The following SLC4A4 variants were observed in gnomAD, a reference collection of about 807,000 sequenced individuals.
SLC4A4 encodes solute carrier family 4 member 4, also known as electrogenic sodium bicarbonate cotransporter 1.
In SLC4A4, 27 loss-of-function variants were observed where a neutral mutation model predicts 111.5. The ratio of observed to expected loss-of-function variants is 0.24; its 90% confidence interval spans 0.18 to 0.33. The LOEUF (loss-of-function observed/expected upper bound fraction) is 0.33. SLC4A4 is among the 10% of genes least tolerant of loss of function. The probability of loss-of-function intolerance (pLI) is 1.00; values close to 1 mark genes in which losing one functional copy is unlikely to be tolerated. For missense variants in SLC4A4, 909 were observed against 1,315.5 expected, an observed-to-expected ratio of 0.69 and a Z score of 4.78; for synonymous variants, 443 against 463.4, an observed-to-expected ratio of 0.96 and a Z score of 0.57.
chr4:71,207,997 A>G (rs959030547), intron 1 of SLC4A4, among the ~76,000 whole-genome samples: 1 of 152,106 alleles, frequency 6.6e-6, no homozygotes, highest in Non-Finnish European at 1.5e-5. Context: ...TTTTATAGAG[A>G]CAGGGTCTTG....
At chr4:71,326,653 G>C (rs1035377370) in intron 3 of SLC4A4, among the ~76,000 whole-genome samples, 5 of 152,058 alleles carry the variant, frequency 3.3e-5, no homozygotes, top group Non-Finnish European at 7.4e-5. Flanking sequence ...CTCTGAAAAA[G>C]AGTAAAAAGC....
At chr4:71,334,044 G>A (rs370824602) in intron 3 of SLC4A4, among the ~76,000 whole-genome samples, 1 of 152,004 alleles carries the variant, frequency 6.6e-6, no homozygotes, top group African/African-American at 2.4e-5. Context: ...GCAAGACAAA[G>A]TCACCTTCAT....
chr4:71,247,657 A>G (rs1720774760), intron 2 of SLC4A4, among the ~76,000 whole-genome samples: 1 of 152,128 alleles, frequency 6.6e-6, no homozygotes, highest in Admixed American at 6.5e-5. Context: ...CCTACTTCCC[A>G]TTCAGTTGTG....
At chr4:71,176,583 T>C in intron 2 of SLC4A4, among the ~76,000 whole-genome samples, 1 of 152,112 alleles carries the variant, frequency 6.6e-6, no homozygotes. Flanking sequence ...GTATCAGTGA[T>C]GGAAGCTCAA....
chr4:71,173,875 A>C (rs1745011792), intron 2 of SLC4A4, among the ~76,000 whole-genome samples: 1 of 152,236 alleles, frequency 6.6e-6, no homozygotes, highest in South Asian at 2.1e-4. Context: ...TAAAACAACA[A>C]GAAAGAAAGT....
chr4:71,269,636 A>G (rs1483970133), intron 3 of SLC4A4, among the ~76,000 whole-genome samples: 3 of 152,262 alleles, frequency 2.0e-5, no homozygotes, highest in Admixed American at 1.3e-4. Context: ...GTGGGAACAC[A>G]TAACATTTGT....
chr4:71,178,877 C>G (rs924446516), intron 2 of SLC4A4, among the ~76,000 whole-genome samples: 8 of 152,122 alleles, frequency 5.3e-5, no homozygotes, highest in African/African-American at 1.9e-4. Flanking sequence ...ATCCTGATAC[C>G]AAAGCCTGGC....
chr4:71,452,119 G>A (rs182250359), intron 11 of SLC4A4, among the ~76,000 whole-genome samples: 1 of 151,910 alleles, frequency 6.6e-6, no homozygotes, highest in East Asian at 1.9e-4. Context: ...AACATGAAAA[G>A]GTATGTCATT....
Position 71,349,955 on chromosome 4 carries a change from T to C in SLC4A4, c.433T>C (p.Trp145Arg). The C allele has an allele frequency of 6.2e-7, 1 of 1,614,082 alleles. No homozygotes were observed. Among genetic ancestry groups the C allele is most frequent in the Non-Finnish European group, 8.5e-7 (1 of 1,179,992 alleles). Residue 145 changes from tryptophan (W) to arginine (R), a missense_variant, in exon 5 of 26, where the codon TGG (tryptophan) becomes CGG (arginine). Physicochemically the swap from Trp to Arg is moderately radical, Grantham distance 101. Coordinates refer to ENST00000264485, the MANE Select transcript of SLC4A4 (RefSeq NM_001098484.3). ...EEKVEQGGER[W>R]SKPHVATLSL... ...AAAAGTGGAACAGGGTGGGGAAAGA[T>C]GGAGCAAGCCCCATGTGGCCACATT...
At chr4:71,522,744 C>T (rs943098213) in intron 16 of SLC4A4, among the ~76,000 whole-genome samples, 2 of 152,124 alleles carry the variant, frequency 1.3e-5, no homozygotes, top group Admixed American at 1.3e-4. Flanking sequence ...AATATACTTC[C>T]TTGTTGTTAT....
intron 7 of SLC4A4, among the ~76,000 whole-genome samples, chr4:71,438,670 T>G (rs538917690): frequency 6.6e-6 from 1 of 152,334 alleles, no homozygotes; most frequent in African/African-American, 2.4e-5. Flanking sequence ...TTAGATAATC[T>G]CAAATCCTTC....
intron 2 of SLC4A4, among the ~76,000 whole-genome samples, chr4:71,175,399 C>T (rs147438120): frequency 4.0e-4 from 61 of 152,346 alleles, no homozygotes; most frequent in South Asian, 1.7e-3. Flanking sequence ...ACCCAGGAAG[C>T]GCAATGGGTC....
At chr4:71,178,444 T>C (rs1011341635) in intron 2 of SLC4A4, among the ~76,000 whole-genome samples, 2 of 151,624 alleles carry the variant, frequency 1.3e-5, no homozygotes, top group Non-Finnish European at 2.9e-5. Context: ...ATCAACAAAA[T>C]TGATAGACCG....
chr4:71,560,349 T>G (rs1560622745), intron 23 of SLC4A4, 95 bp downstream of exon 23: 1 of 1,363,316 alleles, frequency 7.3e-7, no homozygotes, highest in East Asian at 2.5e-5. Flanking sequence ...GAGGGCTGAG[T>G]TCTAAGAATG....
intron 16 of SLC4A4, among the ~76,000 whole-genome samples, chr4:71,528,229 T>C (rs1477048881): frequency 6.6e-6 from 1 of 152,272 alleles, no homozygotes; most frequent in East Asian, 1.9e-4. Context: ...TCTGTCCATG[T>C]AATATGAGGT....
At chr4:71,554,502 G>T (rs1171728517) in intron 20 of SLC4A4, among the ~76,000 whole-genome samples, 4 of 151,764 alleles carry the variant, frequency 2.6e-5, no homozygotes, top group Non-Finnish European at 2.9e-5. Flanking sequence ...GCATGAAAAG[G>T]TATTAATTCA....
intron 1 of SLC4A4, among the ~76,000 whole-genome samples, chr4:71,073,314 A>C (rs1371996856): frequency 6.6e-6 from 1 of 152,208 alleles, no homozygotes; most frequent in Non-Finnish European, 1.5e-5. Flanking sequence ...GCAATGTTAG[A>C]TAATAATGGT....
At chr4:71,373,312 G>A (rs1202485019) in intron 6 of SLC4A4, among the ~76,000 whole-genome samples, 4 of 152,208 alleles carry the variant, frequency 2.6e-5, no homozygotes, top group Admixed American at 2.0e-4. Context: ...TACAACAGTA[G>A]CATTTATTAT....
chr4:71,116,241 T>C (rs761005658), intron 2 of SLC4A4, among the ~76,000 whole-genome samples: 2 of 152,212 alleles, frequency 1.3e-5, no homozygotes, highest in Non-Finnish European at 2.9e-5. Context: ...CAGTATTTGG[T>C]ATCTTGATTA....
Sources: allele counts gnomAD v4.1 joint callset (sites outside exome capture counted in the v4.1 genomes callset), GRCh38; gene constraint gnomAD v4.1.1; transcripts MANE v1.5; gene names NCBI Gene and HGNC (gene_info 2026-07-23, HGNC 2026-07-21).